MAPK8IP3: variants seen among roughly 807,000 people sequenced by gnomAD.
The protein encoded by MAPK8IP3 is mitogen-activated protein kinase 8 interacting protein 3.
MAPK8IP3 carries 49 observed loss-of-function variants against 157.8 expected under a neutral mutation model. That is an observed-to-expected ratio of 0.31 (90% CI 0.25 to 0.39). The LOEUF (loss-of-function observed/expected upper bound fraction) is 0.39, where lower values mean the gene tolerates loss of function less well. MAPK8IP3 is among the 10% of genes least tolerant of loss of function. The pLI, the probability that MAPK8IP3 is intolerant of heterozygous loss-of-function variation, is 1.00. For missense variants in MAPK8IP3, 1,478 were observed against 1,889.4 expected (o/e 0.78, Z 4.04); for synonymous variants, 897 against 777.7 (o/e 1.15, Z -2.55).
Position 1,766,719 on chromosome 16 carries a change from C to T in MAPK8IP3, c.2940-4C>T. 6.2e-7 allele frequency: 1 copy of T among 1,612,782 alleles called. No homozygotes were observed. The highest frequency in any genetic ancestry group is 1.1e-5 in the South Asian group (1 of 91,088). On this transcript the variant is annotated splice_polypyrimidine_tract_variant and splice_region_variant and intron_variant, in intron 23 of 31. Transcript: ENST00000610761. ...CCCTCGCCCATCGCCGCTTCCTTCC[C>T]TAGGCTCTATGTGCACTCGGCTGTG...
intron 8 of MAPK8IP3, among the ~76,000 whole-genome samples, chr16:1,750,402 G>A (rs1031938766): frequency 3.4e-4 from 52 of 151,942 alleles, no homozygotes; most frequent in Non-Finnish European, 6.6e-4. Context: ...TAGTGCAGAC[G>A]GGGTTTCACA....
In MAPK8IP3 at chr16:1,751,109, C is replaced by T. The variant is rs767900154; in HGVS notation, c.1216+2389C>T. On this transcript the variant is annotated intron_variant, in intron 8 of 31. Transcript: ENST00000610761. This position sits in a 1 kb window ranked among gnomAD's most constrained non-coding sequence, Gnocchi z 5.0. Reference sequence around the variant, plus strand: ...CAGCACTGACGGGCACGGCCACCGTCGGTCCTTACTGCAGCATCAAGCCGC... The same window carrying T: ...CAGCACTGACGGGCACGGCCACCGTTGGTCCTTACTGCAGCATCAAGCCGC... Among the ~76,000 whole-genome samples the T allele has an allele frequency of 2.8e-4, 43 of 152,282 alleles. No individual in the cohort carries two copies. Among genetic ancestry groups the T allele is most frequent in the Non-Finnish European group, 5.7e-4 (39 of 68,016 alleles).
At chr16:1,762,328 C>A in intron 13 of MAPK8IP3, 23 bp from the exon 14 acceptor site, 1 of 1,555,108 alleles carries the variant, frequency 6.4e-7, no homozygotes, top group East Asian at 2.4e-5. Context: ...GCTGGCTGAG[C>A]CTCTGTGCCC....
chr16:1,734,291 C>T (rs1209344289), intron 4 of MAPK8IP3, among the ~76,000 whole-genome samples: 3 of 152,228 alleles, frequency 2.0e-5, no homozygotes, highest in African/African-American at 7.2e-5. Flanking sequence ...GACAGAGGGG[C>T]AGGGCTATGG....
chr16:1,739,218 GCGTGTGAC>G (rs199678284), intron 4 of MAPK8IP3, among the ~76,000 whole-genome samples: 3 of 117,278 alleles, frequency 2.6e-5, no homozygotes, highest in Non-Finnish European at 5.3e-5. Context: ...GTCCGTGTGA[GCGTGTGAC>G]CGTCCGTGAG....
At chr16:1,725,341 A>T (rs998527902) in intron 2 of MAPK8IP3, among the ~76,000 whole-genome samples, 1 of 151,604 alleles carries the variant, frequency 6.6e-6, no homozygotes, top group Non-Finnish European at 1.5e-5. Context: ...TAAAAAAAAA[A>T]AAAAGGCCGG....
intron 4 of MAPK8IP3, among the ~76,000 whole-genome samples, chr16:1,729,895 G>T (rs562929213): frequency 5.9e-5 from 9 of 152,166 alleles, no homozygotes; most frequent in African/African-American, 1.9e-4. Flanking sequence ...GTTTGCAAAT[G>T]TATCTACTCG....
At chr16:1,753,797 T>C (rs2041436557) in intron 8 of MAPK8IP3, among the ~76,000 whole-genome samples, 1 of 151,406 alleles carries the variant, frequency 6.6e-6, no homozygotes, top group African/African-American at 2.4e-5. Context: ...CAAATTAAAC[T>C]ATAATGTGAC....
chr16:1,746,949 G>GGCCTCAGGCAGCCACGGCGGA, intron 5 of MAPK8IP3, 80 bp from the exon 6 acceptor site: 1 of 1,511,666 alleles, frequency 6.6e-7, no homozygotes. Flanking sequence ...TGGTGCGCGG[G>GGCCTCAGGCAGCCACGGCGGA]GCCTCAGGCA....
At chr16:1,716,805 T>A (rs1212516168) in intron 1 of MAPK8IP3, among the ~76,000 whole-genome samples, 1 of 152,024 alleles carries the variant, frequency 6.6e-6, no homozygotes, top group Non-Finnish European at 1.5e-5. Context: ...ACGCCTGTAA[T>A]CCCAACACTT....
chr16:1,727,948 G>A (rs1303487911), intron 2 of MAPK8IP3, among the ~76,000 whole-genome samples: 29 of 152,364 alleles, frequency 1.9e-4, no homozygotes, highest in Admixed American at 1.6e-3. Flanking sequence ...GCACCACGCC[G>A]AGGACAGGGC....
Position 1,758,106 on chromosome 16 carries a change from C to T in MAPK8IP3, c.1217-42C>T, listed in dbSNP as rs1296405208. On this transcript the variant is annotated intron_variant, in intron 8 of 31. Transcript: ENST00000610761. Reference sequence around the variant, plus strand: ...TTCCAGTCCCTAATTGACCTTTGTCCCTTCCTTCCCCTGCCTCTCTGTGCG... The same window carrying T: ...TTCCAGTCCCTAATTGACCTTTGTCTCTTCCTTCCCCTGCCTCTCTGTGCG... 8 of 1,611,318 alleles carry T rather than the reference C, an allele frequency of 5.0e-6. 1 individual carries two copies. The highest frequency in any genetic ancestry group is 3.3e-5 in the South Asian group (3 of 90,976).
chr16:1,742,368 C>T lies in MAPK8IP3; in HGVS notation c.603-964C>T, dbSNP rs1358970345. On this transcript the variant is annotated intron_variant, in intron 4 of 31. Coordinates refer to ENST00000610761, the MANE Select transcript of MAPK8IP3 (RefSeq NM_001318852.2). This position sits in a 1 kb window ranked among gnomAD's most constrained non-coding sequence, Gnocchi z 5.0. Reference sequence around the variant, plus strand: ...TGTCCTGACAGCTCCAGCTCCCAGGCGCTCCCACTGTCTTGCCAGGCTGTC... The same window carrying T: ...TGTCCTGACAGCTCCAGCTCCCAGGTGCTCCCACTGTCTTGCCAGGCTGTC... Among the ~76,000 whole-genome samples, 1 of 152,168 alleles carries T rather than the reference C, an allele frequency of 6.6e-6. No individual in the cohort carries two copies. Among genetic ancestry groups the T allele is most frequent in the Non-Finnish European group, 1.5e-5 (1 of 68,024 alleles).
Position 1,763,001 on chromosome 16 carries a change from T to A in MAPK8IP3, c.1893T>A (p.Pro631=). 1 of 1,612,788 alleles carries A rather than the reference T, an allele frequency of 6.2e-7. No individual in the cohort carries two copies. The highest frequency in any genetic ancestry group is 8.5e-7 in the Non-Finnish European group (1 of 1,179,934). ...SAGSRPLEFF[P]DDDCTSSARR... ...GCAGCCGGCCCCTGGAATTCTTCCC[T>A]GACGAGTGAGTGTCCCGCAGCCCCC... The change falls in exon 16 of 32, where the codon CCT becomes CCA. Residue 631 remains proline, a synonymous_variant. Coordinates refer to ENST00000610761, the MANE Select transcript of MAPK8IP3 (RefSeq NM_001318852.2).
chr16:1,715,389 A>G (rs762469410), intron 1 of MAPK8IP3, among the ~76,000 whole-genome samples: 9 of 152,072 alleles, frequency 5.9e-5, no homozygotes, highest in Admixed American at 3.3e-4. Flanking sequence ...TGGCCAGGCA[A>G]TTGTGGGAAA....
intron 14 of MAPK8IP3, 62 bp downstream of exon 14, chr16:1,762,543 T>G: frequency 6.3e-7 from 1 of 1,598,926 alleles, no homozygotes; most frequent in Admixed American, 1.7e-5. Context: ...GGACTGCGGC[T>G]CCCTCCTCTG....
chr16:1,737,775 A>AGTGT (rs144825749), intron 4 of MAPK8IP3, among the ~76,000 whole-genome samples: 2 of 36,584 alleles, frequency 5.5e-5, no homozygotes, highest in Non-Finnish European at 8.8e-5. Context: ...CATCCGTGTG[A>AGTGT]GTGACCATCC....
At chr16:1,725,672 G>A (rs2038832825) in intron 2 of MAPK8IP3, among the ~76,000 whole-genome samples, 1 of 152,070 alleles carries the variant, frequency 6.6e-6, no homozygotes, top group South Asian at 2.1e-4. Flanking sequence ...ATGATTTCCT[G>A]TGTAATTTTC....
chr16:1,745,277 C>A, intron 5 of MAPK8IP3: 1 of 677,340 alleles, frequency 1.5e-6, no homozygotes, highest in African/African-American at 1.9e-5. Context: ...GTCTGATGTG[C>A]ACAGCTACAC....
Sources: allele counts gnomAD v4.1 joint callset (sites outside exome capture counted in the v4.1 genomes callset), GRCh38; gene constraint gnomAD v4.1.1; non-coding constraint Gnocchi (gnomAD v3.1); transcripts MANE v1.5; gene names NCBI Gene and HGNC (gene_info 2026-07-23, HGNC 2026-07-21).